TECTA: variants seen among roughly 807,000 people sequenced by gnomAD.
The protein encoded by TECTA is alpha-tectorin.
TECTA carries 128 observed loss-of-function variants against 216.8 expected under a neutral mutation model. The observed-to-expected ratio is 0.59, with a 90% CI of 0.51 to 0.68. The LOEUF (loss-of-function observed/expected upper bound fraction) is 0.68. Among genes scored for constraint, TECTA ranks in the 30% least tolerant of loss-of-function variants. The probability of loss-of-function intolerance (pLI) is 0.00; values close to 1 mark genes in which losing one functional copy is unlikely to be tolerated. For synonymous variants in TECTA, 1,089 were observed against 1,117.1 expected (o/e 0.97, Z 0.50); for missense variants, 2,551 against 2,786.2 (o/e 0.92, Z 1.90).
At chr11:121,152,759 C>A (rs1591456312) in intron 12 of TECTA, 122 bp from the exon 13 acceptor site, 2 of 1,005,024 alleles carry the variant, frequency 2.0e-6, no homozygotes, top group Middle Eastern at 2.2e-4. Context: ...AGGCGGCAGA[C>A]CTCCTGGCTC....
intron 20 of TECTA, among the ~76,000 whole-genome samples, chr11:121,181,754 C>T (rs1199769271): frequency 1.3e-5 from 2 of 152,238 alleles, no homozygotes; most frequent in African/African-American, 4.8e-5. Context: ...AGGCGTGAGC[C>T]ACCATGCCCA....
At chr11:121,179,989 T>TA (rs56934881) in intron 20 of TECTA, among the ~76,000 whole-genome samples, 5 of 150,896 alleles carry the variant, frequency 3.3e-5, no homozygotes, top group Admixed American at 6.6e-5. Flanking sequence ...TTTTTTTTTT[T>TA]AGCTGTTCAA....
chr11:121,139,808 T>A (rs1432742959), intron 11 of TECTA, among the ~76,000 whole-genome samples: 1 of 152,230 alleles, frequency 6.6e-6, no homozygotes, highest in Non-Finnish European at 1.5e-5. Flanking sequence ...TGAGGCAAGT[T>A]AGGAGTGTGT....
At position 121,118,497 on chromosome 11, in the gene TECTA, C is replaced by G; in HGVS notation, c.982C>G (p.Pro328Ala). Residue 328 changes from proline to alanine, a missense_variant, in exon 7 of 24, where the codon CCA (proline) becomes GCA (alanine). By Grantham distance (27) the Pro-to-Ala change is conservative. Around this residue, in one of 3 missense-constraint regions of TECTA, gnomAD observed 2,375 missense variants for 2,563.9 expected, o/e 0.93. Coordinates refer to ENST00000392793, the MANE Select transcript of TECTA (RefSeq NM_005422.4). ...CAGCACATGCGTGGTGTTTGGGGAG[C>G]CACACTACCACACTTTTGACGGCTT... ...ETSTCVVFGE[P>A]HYHTFDGFLF... 6.2e-7 allele frequency: 1 copy of G among 1,614,156 alleles called. No homozygotes were observed. Among genetic ancestry groups the G allele is most frequent in the South Asian group, 1.1e-5 (1 of 91,082 alleles).
chr11:121,125,855 G>A lies in TECTA; in HGVS notation c.1757G>A (p.Arg586Gln), dbSNP rs146621940. Residue 586 changes from arginine (R) to glutamine (Q), a missense_variant, in exon 8 of 24, where the codon CGA becomes CAA. Arg to Gln is a conservative substitution (Grantham distance 43). This residue lies in a region of TECTA where 2,375 missense variants were observed against 2,563.9 expected (regional missense o/e 0.93). Coordinates refer to ENST00000392793, the MANE Select transcript of TECTA (RefSeq NM_005422.4). ...CTTGGCATTCCAATTGGAGACTGGC[G>A]AACCCAGACTGGGTGTGGTAAGCTG... Reference protein sequence around the residue: ...QALGIPIGDWRTQTGCVSTVQ... With the variant: ...QALGIPIGDWQTQTGCVSTVQ... The A allele has an allele frequency of 1.2e-4, 186 of 1,609,760 alleles. No individual in the cohort carries two copies. Among genetic ancestry groups the A allele is most frequent in the Non-Finnish European group, 1.4e-4 (166 of 1,180,000 alleles).
rs143919294 is a variant in TECTA at position 121,129,712 on chromosome 11, T to A, written c.2442T>A (p.Ser814Arg). The change falls in exon 10 of 24, where the codon AGT becomes AGA. Residue 814 changes from serine to arginine, a missense_variant. Coordinates refer to ENST00000392793, the MANE Select transcript of TECTA (RefSeq NM_005422.4). ...TGGAAATTTATCGAAACAAAAACAGTACGACAGTGGAGTCCAAGGGCGTGG... is the reference window on the plus strand; with the variant it reads ...TGGAAATTTATCGAAACAAAAACAGAACGACAGTGGAGTCCAAGGGCGTGG... ...GKLEIYRNKN[S>R]TTVESKGVVT... 13 of 1,614,106 alleles carry A rather than the reference T, an allele frequency of 8.1e-6. No homozygotes were observed. The highest frequency in any genetic ancestry group is 1.6e-4 in the Middle Eastern group (1 of 6,084).
At chr11:121,140,133 T>C (rs931127592) in intron 11 of TECTA, among the ~76,000 whole-genome samples, 1 of 152,220 alleles carries the variant, frequency 6.6e-6, no homozygotes, top group African/African-American at 2.4e-5. Flanking sequence ...TCATCTAGTT[T>C]ATGATGAATT....
At chr11:121,153,177 T>C (rs1946909676) in intron 13 of TECTA, 97 bp downstream of exon 13, 1 of 1,417,224 alleles carries the variant, frequency 7.1e-7, no homozygotes, top group Admixed American at 2.0e-5. Context: ...TCCCACTTCA[T>C]TATGAAGAGC....
At position 121,174,017 on chromosome 11, in the gene TECTA, T is replaced by C. The variant is rs564695162; in HGVS notation, c.5999+5092T>C. ...GTCTGTTATTGGTGTATAAGAATGCTTATGATTTTTGTACATTGATTTTGT... is the reference window on the plus strand; with the variant it reads ...GTCTGTTATTGGTGTATAAGAATGCCTATGATTTTTGTACATTGATTTTGT... On this transcript the variant is annotated intron_variant, in intron 20 of 23. Transcript: ENST00000392793. Among the ~76,000 whole-genome samples, 25 of 152,290 alleles carry C rather than the reference T, an allele frequency of 1.6e-4. No homozygotes were observed. In the South Asian group the frequency reaches 5.2e-3, roughly 32 times the overall value.
chr11:121,160,738 A>G (rs1160485454), intron 15 of TECTA, among the ~76,000 whole-genome samples: 1 of 152,156 alleles, frequency 6.6e-6, no homozygotes, highest in African/African-American at 2.4e-5. Flanking sequence ...GGACCTAGGC[A>G]CCTCTGCTGG....
Position 121,113,237 on chromosome 11 carries a change from CGT to C in TECTA, c.624+31_624+32del, listed in dbSNP as rs779889643. The C allele has an allele frequency of 2.7e-5, 43 of 1,613,508 alleles. No individual in the cohort carries two copies. The highest frequency in any genetic ancestry group is 3.3e-5 in the Non-Finnish European group (39 of 1,180,004). On this transcript the variant is annotated intron_variant, in intron 5 of 23. Transcript: ENST00000392793. The surrounding 1 kb of genome is among the most constrained non-coding windows in gnomAD (Gnocchi z 4.2). ...AGGTGGCTCTCCACTTCATCCCCCGCGTGTTTCCGTCGCTGCACTCTCTGCTT... is the reference window on the plus strand; with the variant it reads ...AGGTGGCTCTCCACTTCATCCCCCGCGTTTCCGTCGCTGCACTCTCTGCTT...
In TECTA at chr11:121,149,773, C is replaced by T. The variant is rs186606144; in HGVS notation, c.4106-3108C>T. 1.2e-4 allele frequency among the ~76,000 whole-genome samples: 18 copies of T among 152,338 alleles called. No individual in the cohort carries two copies. In the East Asian group the frequency reaches 1.3e-3, roughly 11 times the overall value. On this transcript the variant is annotated intron_variant, in intron 12 of 23. Coordinates refer to ENST00000392793, the MANE Select transcript of TECTA (RefSeq NM_005422.4). ...ATGGCAAGAGACAGATTCTTGACCACGGTACAAATCCAGGTGCAGAGCCCA... is the reference window on the plus strand; with the variant it reads ...ATGGCAAGAGACAGATTCTTGACCATGGTACAAATCCAGGTGCAGAGCCCA...
At position 121,129,715 on chromosome 11, in the gene TECTA, G is replaced by A. The variant is rs369919747; in HGVS notation, c.2445G>A (p.Thr815=). The A allele has an allele frequency of 8.1e-6, 13 of 1,614,046 alleles. No homozygotes were observed. The highest frequency in any genetic ancestry group is 6.7e-5 in the African/African-American group (5 of 74,902). ...AAATTTATCGAAACAAAAACAGTAC[G>A]ACAGTGGAGTCCAAGGGCGTGGTGA... ...KLEIYRNKNS[T]TVESKGVVTV... Residue 815 remains threonine, a synonymous_variant, in exon 10 of 24, where the codon ACG becomes ACA. Coordinates refer to ENST00000392793, the MANE Select transcript of TECTA (RefSeq NM_005422.4).
chr11:121,125,204 G>A lies in TECTA; in HGVS notation c.1204-98G>A, dbSNP rs1946595968. ...GACCGTTTAGGTGGCCATTCTCTCT[G>A]GAGTGTTGAGTTGCTTTGCCTTCCT... On this transcript the variant is annotated intron_variant, in intron 7 of 23. Coordinates refer to ENST00000392793, the MANE Select transcript of TECTA (RefSeq NM_005422.4). 4.8e-6 allele frequency: 6 copies of A among 1,244,706 alleles called. 1 individual carries two copies. The South Asian group carries it at 7.2e-5, about 15-fold the overall frequency. The allele number at this position is 1,244,706 out of a possible 1,614,324, so 77.1% of individuals were successfully genotyped here. A position where few individuals can be genotyped will look rare whatever the true frequency, so the allele number is the denominator to read the frequency against.
intron 12 of TECTA, among the ~76,000 whole-genome samples, chr11:121,147,669 G>A (rs546822810): frequency 3.3e-5 from 5 of 152,298 alleles, no homozygotes; most frequent in Non-Finnish European, 5.9e-5. Flanking sequence ...AGCTTTGGAC[G>A]CAAAGGCCTA....
intron 10 of TECTA, among the ~76,000 whole-genome samples, chr11:121,132,361 A>G (rs564296028): frequency 6.6e-6 from 1 of 152,184 alleles, no homozygotes; most frequent in Admixed American, 6.5e-5. Flanking sequence ...CATTTGCTTC[A>G]TCATTCGTTG....
chr11:121,127,759 A>C lies in TECTA; in HGVS notation c.1782A>C (p.Thr594=). Reference sequence around the variant, plus strand: ...TTCCTTTCCCCGCGTCAGTGTCCACAGTGCAGTGCCCGAGCTTCAGCCACT... The same window carrying C: ...TTCCTTTCCCCGCGTCAGTGTCCACCGTGCAGTGCCCGAGCTTCAGCCACT... ...DWRTQTGCVS[T]VQCPSFSHYS... The change falls in exon 9 of 24, where the codon ACA becomes ACC. Residue 594 remains threonine, a synonymous_variant. Coordinates refer to ENST00000392793, the MANE Select transcript of TECTA (RefSeq NM_005422.4). The surrounding 1 kb of genome is among the most constrained non-coding windows in gnomAD (Gnocchi z 5.0). 1 of 1,614,078 alleles carries C rather than the reference A, an allele frequency of 6.2e-7. No individual in the cohort carries two copies. Among genetic ancestry groups the C allele is most frequent in the Non-Finnish European group, 8.5e-7 (1 of 1,179,990 alleles).
At position 121,130,052 on chromosome 11, in the gene TECTA, G is replaced by A; in HGVS notation, c.2782G>A (p.Gly928Arg). 6.2e-7 allele frequency: 1 copy of A among 1,614,062 alleles called. No individual in the cohort carries two copies. Among genetic ancestry groups the A allele is most frequent in the Non-Finnish European group, 8.5e-7 (1 of 1,179,972 alleles). ...PSNSSFLECH[G>R]VVNVTAYYRT... ...CAACAGCTCCTTCCTGGAGTGCCAT[G>A]GGGTGGTGAACGTCACTGCCTATTA... The change falls in exon 10 of 24, where the codon GGG (glycine) becomes AGG (arginine). Residue 928 changes from glycine to arginine, a missense_variant. By Grantham distance (125) the Gly-to-Arg change is moderately radical (BLOSUM62 -2). Transcript: ENST00000392793.
chr11:121,101,333 C>G lies in TECTA; in HGVS notation c.-111C>G, dbSNP rs1440936270. 2 of 152,154 alleles carry G rather than the reference C, an allele frequency of 1.3e-5. No individual in the cohort carries two copies. Among genetic ancestry groups the G allele is most frequent in the Non-Finnish European group, 2.9e-5 (2 of 68,040 alleles). 9.4% of individuals were successfully genotyped at this position (152,154 alleles called of 1,614,324 possible). A position where few individuals can be genotyped will look rare whatever the true frequency, so the allele number is the denominator to read the frequency against. ...TATTTCAGGAATCAGAAATTATTGG[C>G]AACAAGTTGAGGAGAACTGACATGA... On this transcript the variant is annotated 5_prime_UTR_variant, in exon 1 of 24. Transcript: ENST00000392793.
Sources: allele counts gnomAD v4.1 joint callset (sites outside exome capture counted in the v4.1 genomes callset), GRCh38; gene constraint gnomAD v4.1.1; regional missense constraint gnomAD v4.1.1; non-coding constraint Gnocchi (gnomAD v3.1); transcripts MANE v1.5; gene names NCBI Gene and HGNC (gene_info 2026-07-23, HGNC 2026-07-21).